Variants in MDGA2 observed in about 807,000 individuals in gnomAD.
MDGA2 encodes MAM domain-containing glycosylphosphatidylinositol anchor protein 2.
A neutral mutation model predicts 117.8 loss-of-function variants in MDGA2; 40 were observed. The observed-to-expected ratio is 0.34, with a 90% CI of 0.26 to 0.44. The LOEUF is 0.44. Ranked by LOEUF, MDGA2 falls within the 20% of genes least tolerant of loss-of-function variation. The pLI is 1.00. For missense variants in MDGA2, 1,123 were observed against 1,250.6 expected (o/e 0.90, Z 1.54); for synonymous variants, 452 against 439.0 (o/e 1.03, Z -0.37).
intron 5 of MDGA2, among the ~76,000 whole-genome samples, chr14:47,119,940 A>G (rs552356308): frequency 1.3e-5 from 2 of 152,270 alleles, no homozygotes; most frequent in East Asian, 3.9e-4. Flanking sequence ...AAGGATTCTC[A>G]TCTACTGTTA....
At chr14:47,000,983 ATAC>A (rs1887511833) in intron 8 of MDGA2, among the ~76,000 whole-genome samples, 1 of 152,100 alleles carries the variant, frequency 6.6e-6, no homozygotes, top group African/African-American at 2.4e-5. Context: ...TGAGAAAAAA[ATAC>A]TACATCATCA....
At chr14:47,127,833 T>C (rs1236402835) in intron 5 of MDGA2, among the ~76,000 whole-genome samples, 2 of 152,110 alleles carry the variant, frequency 1.3e-5, no homozygotes, top group African/African-American at 4.8e-5. Flanking sequence ...AATAAAGTCA[T>C]CCAGTTACTT....
intron 8 of MDGA2, among the ~76,000 whole-genome samples, chr14:46,982,734 A>AAAAAAAAAAAATAAT (rs1449356596): frequency 2.3e-4 from 30 of 130,404 alleles, no homozygotes; most frequent in Non-Finnish European, 4.7e-4. Context: ...AAAAAAAAAA[A>AAAAAAAAAAAATAAT]AATCATGTCA....
At chr14:47,399,303 G>T (rs1752219993) in intron 1 of MDGA2, among the ~76,000 whole-genome samples, 2 of 152,124 alleles carry the variant, frequency 1.3e-5, no homozygotes, top group African/African-American at 4.8e-5. Context: ...GAAATTCATT[G>T]TCCCCCAGTT....
chr14:47,106,208 C>T (rs1880664468), intron 5 of MDGA2, among the ~76,000 whole-genome samples: 1 of 152,084 alleles, frequency 6.6e-6, no homozygotes, highest in South Asian at 2.1e-4. Flanking sequence ...TCTCAAAATA[C>T]ATTTTATTAC....
chr14:47,356,458 C>T (rs1174776114), intron 1 of MDGA2, among the ~76,000 whole-genome samples: 1 of 152,164 alleles, frequency 6.6e-6, no homozygotes, highest in African/African-American at 2.4e-5. Flanking sequence ...CAATAGTAAA[C>T]TTCTCCCATG....
At chr14:47,123,314 T>C (rs1174399350) in intron 5 of MDGA2, among the ~76,000 whole-genome samples, 1 of 152,116 alleles carries the variant, frequency 6.6e-6, no homozygotes, top group African/African-American at 2.4e-5. Context: ...CTTCCTTTTA[T>C]GACAGTAATA....
intron 3 of MDGA2, among the ~76,000 whole-genome samples, chr14:47,215,640 AAT>A (rs1886058923): frequency 6.6e-6 from 1 of 152,138 alleles, no homozygotes; most frequent in African/African-American, 2.4e-5. Flanking sequence ...AACTACTTTA[AAT>A]ATATGTTTAC....
chr14:47,150,784 C>T (rs1429298001), intron 3 of MDGA2, among the ~76,000 whole-genome samples: 1 of 151,916 alleles, frequency 6.6e-6, no homozygotes, highest in African/African-American at 2.4e-5. Context: ...ATTAGCTGGA[C>T]ATGGTGGTGC....
At chr14:47,082,967 G>T (rs1890762687) in intron 6 of MDGA2, among the ~76,000 whole-genome samples, 1 of 151,924 alleles carries the variant, frequency 6.6e-6, no homozygotes, top group African/African-American at 2.4e-5. Context: ...TAGTAGATTA[G>T]AAACAACAGA....
chr14:47,503,819 G>A (rs895756801), intron 1 of MDGA2, among the ~76,000 whole-genome samples: 1 of 152,146 alleles, frequency 6.6e-6, no homozygotes, highest in Non-Finnish European at 1.5e-5. Flanking sequence ...TGGTTGAGTG[G>A]TATTGATGTT....
In MDGA2 at chr14:47,375,373, T is replaced by C. The variant is rs189113877; in HGVS notation, c.281-73823A>G. Reference sequence around the variant, plus strand: ...GTCTTCACTCCTTAAAAATCTTCAATGGCAGGTGATGGGAATAACTTGCCA... The same window carrying C: ...GTCTTCACTCCTTAAAAATCTTCAACGGCAGGTGATGGGAATAACTTGCCA... On this transcript the variant is annotated intron_variant, in intron 1 of 16. Coordinates refer to ENST00000399232, the MANE Select transcript of MDGA2 (RefSeq NM_001113498.3). Among the ~76,000 whole-genome samples, 873 of 152,172 alleles carry C rather than the reference T, an allele frequency of 5.7e-3. 8 individuals are homozygous for C. The highest frequency in any genetic ancestry group is 0.019 in the African/African-American group (808 of 41,554).
chr14:46,962,111 T>C (rs1885835485), intron 8 of MDGA2, among the ~76,000 whole-genome samples: 1 of 152,234 alleles, frequency 6.6e-6, no homozygotes, highest in South Asian at 2.1e-4. Context: ...TGATGGTTTC[T>C]TTCTCCAGAG....
intron 1 of MDGA2, among the ~76,000 whole-genome samples, chr14:47,396,419 T>C (rs1178902549): frequency 1.3e-5 from 2 of 152,120 alleles, no homozygotes; most frequent in Admixed American, 6.6e-5. Context: ...ATTCAGGACA[T>C]AGCCATGGGC....
rs1890878540 is a variant in MDGA2 at position 47,351,383 on chromosome 14, G to A, written c.281-49833C>T. Among the ~76,000 whole-genome samples, 3 of 152,208 alleles carry A rather than the reference G, an allele frequency of 2.0e-5. No individual in the cohort carries two copies. In the South Asian group the frequency reaches 6.2e-4, roughly 32 times the overall value. On this transcript the variant is annotated intron_variant, in intron 1 of 16. Coordinates refer to ENST00000399232, the MANE Select transcript of MDGA2 (RefSeq NM_001113498.3). ...AGGCATGAGCCACCGCACCTGGACT[G>A]ATCACATCTTGAATTTCATGATGGG...
At chr14:47,470,206 G>A (rs917060708) in intron 1 of MDGA2, among the ~76,000 whole-genome samples, 6 of 151,606 alleles carry the variant, frequency 4.0e-5, no homozygotes, top group Admixed American at 2.6e-4. Flanking sequence ...ACGGCGGTTC[G>A]CTGCACCCAC....
chr14:47,586,609 A>G (rs1896329966), intron 1 of MDGA2, among the ~76,000 whole-genome samples: 1 of 151,954 alleles, frequency 6.6e-6, no homozygotes, highest in South Asian at 2.1e-4. Context: ...TCCAAAGAAT[A>G]GAAAATCAGG....
At chr14:46,843,541 A>T (rs1880700927) in intron 16 of MDGA2, among the ~76,000 whole-genome samples, 6 of 152,160 alleles carry the variant, frequency 3.9e-5, no homozygotes, top group Admixed American at 3.9e-4. Flanking sequence ...AACTAGACAG[A>T]CACAAGGATA....
At position 47,538,550 on chromosome 14, in the gene MDGA2, T is replaced by C. The variant is rs559581938; in HGVS notation, c.280+135967A>G. Among the ~76,000 whole-genome samples the C allele has an allele frequency of 4.0e-4, 61 of 152,172 alleles. 1 individual carries two copies. Among genetic ancestry groups the C allele is most frequent in the Non-Finnish European group, 8.4e-4 (57 of 68,022 alleles). On this transcript the variant is annotated intron_variant, in intron 1 of 16. Coordinates refer to ENST00000399232, the MANE Select transcript of MDGA2 (RefSeq NM_001113498.3). ...AAGATAACAACACAACAACTCTTGA[T>C]TGGGTGGTCCTTAAAGGCAGCGTTT...
Sources: allele counts gnomAD v4.1 joint callset (sites outside exome capture counted in the v4.1 genomes callset), GRCh38; gene constraint gnomAD v4.1.1; transcripts MANE v1.5; gene names NCBI Gene and HGNC (gene_info 2026-07-23, HGNC 2026-07-21).